The following CCDC171 variants were observed in gnomAD, a reference collection of about 807,000 sequenced individuals.
CCDC171 encodes the protein coiled-coil domain-containing protein 171.
A neutral mutation model predicts 168.2 loss-of-function variants in CCDC171; 177 were observed. The ratio of observed to expected loss-of-function variants is 1.05; its 90% CI spans 0.93 to 1.19. The LOEUF (loss-of-function observed/expected upper bound fraction) is 1.19, where lower values mean the gene tolerates loss of function less well. Among genes scored for constraint, CCDC171 ranks in the 50% most tolerant of loss-of-function variants. The pLI, the probability that CCDC171 is intolerant of heterozygous loss-of-function variation, is 0.00. For synonymous variants in CCDC171, 687 were observed against 540.8 expected (o/e 1.27, Z -3.75); for missense variants, 1,991 against 1,539.0 (o/e 1.29, Z -4.91).
At chr9:15,585,953 A>G (rs1323155235) in intron 4 of CCDC171, among the ~76,000 whole-genome samples, 1 of 152,146 alleles carries the variant, frequency 6.6e-6, no homozygotes, top group Non-Finnish European at 1.5e-5. Flanking sequence ...TCTAGCCTGG[A>G]TGACAGAGTG....
At chr9:16,068,694 A>C in the CCDC171 span, among the ~76,000 whole-genome samples, 7 of 152,186 alleles carry the variant, frequency 4.6e-5, 1 homozygote, top group East Asian at 1.2e-3. Context: ...CCTGGCACGC[A>C]GTCAACATTG....
chr9:15,622,128 C>CCT (rs1252620686), intron 6 of CCDC171, among the ~76,000 whole-genome samples: 3 of 152,022 alleles, frequency 2.0e-5, no homozygotes, highest in Non-Finnish European at 4.4e-5. Context: ...TGGGTTCTGC[C>CCT]TGAGGGTGGA....
chr9:15,570,792 T>A (rs190084517), intron 2 of CCDC171, among the ~76,000 whole-genome samples: 248 of 152,350 alleles, frequency 1.6e-3, no homozygotes, highest in African/African-American at 5.6e-3. Context: ...TTTCCTTATA[T>A]AACTTTTAAC....
chr9:15,720,503 A>T (rs1156301105), intron 11 of CCDC171, among the ~76,000 whole-genome samples: 1 of 152,160 alleles, frequency 6.6e-6, no homozygotes, highest in Non-Finnish European at 1.5e-5. Flanking sequence ...GTATAATATG[A>T]ATGCTGCTCT....
chr9:15,846,924 C>T (rs762038040), intron 22 of CCDC171, 77 bp downstream of exon 22: 1 of 1,339,176 alleles, frequency 7.5e-7, no homozygotes, highest in Non-Finnish European at 1.0e-6. Context: ...CGGGTTTTAG[C>T]CCTGGATAAT....
intron 16 of CCDC171, among the ~76,000 whole-genome samples, chr9:15,737,608 A>T (rs2054583511): frequency 6.6e-6 from 1 of 152,084 alleles, no homozygotes; most frequent in Admixed American, 6.6e-5. Flanking sequence ...GATAAAAAGA[A>T]CTCTGTTCTT....
At chr9:15,752,778 A>G (rs1302852664) in intron 18 of CCDC171, among the ~76,000 whole-genome samples, 3 of 152,120 alleles carry the variant, frequency 2.0e-5, no homozygotes, top group Non-Finnish European at 4.4e-5. Context: ...ATTAGGAGAA[A>G]TACCTAATGT....
intron 1 of CCDC171, among the ~76,000 whole-genome samples, chr9:15,557,770 C>CTATATATATA (rs2038931628): frequency 6.6e-6 from 1 of 152,110 alleles, no homozygotes; most frequent in Non-Finnish European, 1.5e-5. Flanking sequence ...AGTTCCAACA[C>CTATATATATA]TATGTTGAAT....
At chr9:15,983,353 A>G (rs950833932) in intron 3 of CCDC171, among the ~76,000 whole-genome samples, 1 of 151,846 alleles carries the variant, frequency 6.6e-6, no homozygotes, top group Non-Finnish European at 1.5e-5. Flanking sequence ...TTTTCTAGCA[A>G]TATCTGTTTT....
intron 24 of CCDC171, among the ~76,000 whole-genome samples, chr9:15,888,663 G>A (rs1207877969): frequency 1.3e-5 from 2 of 152,048 alleles, no homozygotes; most frequent in Non-Finnish European, 2.9e-5. Context: ...GTATGCTCTA[G>A]TAAAATATGA....
chr9:16,072,265 A>G, the CCDC171 span, among the ~76,000 whole-genome samples: 4 of 152,188 alleles, frequency 2.6e-5, no homozygotes, highest in African/African-American at 9.7e-5. Flanking sequence ...AAGCACTAGC[A>G]TGTTGAGATC....
intron 24 of CCDC171, chr9:15,885,803 A>T (rs1293738523): frequency 6.6e-6 from 1 of 152,212 alleles, no homozygotes; most frequent in African/African-American, 2.4e-5. Context: ...ATGAATATGC[A>T]ACTTAAGGAT....
chr9:15,632,273 C>G (rs1320168628), intron 7 of CCDC171, among the ~76,000 whole-genome samples: 3 of 150,940 alleles, frequency 2.0e-5, no homozygotes, highest in Non-Finnish European at 4.4e-5. Context: ...TAGAAAACCC[C>G]ATCGTCTCAG....
At chr9:15,903,382 G>A (rs1011914128) in intron 24 of CCDC171, among the ~76,000 whole-genome samples, 24 of 152,232 alleles carry the variant, frequency 1.6e-4, no homozygotes, top group Admixed American at 4.6e-4. Flanking sequence ...ACCAATATCC[G>A]CTGTTCTGCA....
rs554911769 is a variant in CCDC171 at position 15,626,775 on chromosome 9, C to G, written c.822+3362C>G. Reference sequence around the variant, plus strand: ...ATCAGGGATATTGGTCTAAAATTCTCTTTTTTTTAGTTGTGTCTTTGCCAG... The same window carrying G: ...ATCAGGGATATTGGTCTAAAATTCTGTTTTTTTTAGTTGTGTCTTTGCCAG... On this transcript the variant is annotated intron_variant, in intron 7 of 25. Transcript: ENST00000380701. Among the ~76,000 whole-genome samples, 3 of 151,964 alleles carry G rather than the reference C, an allele frequency of 2.0e-5. No homozygotes were observed. In the South Asian group the frequency reaches 6.2e-4, roughly 32 times the overall value.
intron 25 of CCDC171, among the ~76,000 whole-genome samples, chr9:15,954,632 C>G (rs1484654148): frequency 6.6e-6 from 1 of 150,934 alleles, no homozygotes; most frequent in African/African-American, 2.4e-5. Context: ...GTATCTCAGC[C>G]TCAGTAATTT....
At chr9:15,597,023 T>G (rs895871307) in intron 6 of CCDC171, among the ~76,000 whole-genome samples, 18 of 152,294 alleles carry the variant, frequency 1.2e-4, no homozygotes, top group African/African-American at 4.3e-4. Flanking sequence ...TGAAGTTGCT[T>G]ATCAGCTTAA....
At position 15,972,586 on chromosome 9, in the gene CCDC171, T is replaced by G. The variant is rs2132828459; in HGVS notation, c.*750T>G. ...GGATTTCTGTGGTATGTTTAGGCAC[T>G]TCATAAGGACAGTTCCCACACTAGG... On this transcript the variant is annotated 3_prime_UTR_variant, in exon 26 of 26. Coordinates refer to ENST00000380701, the MANE Select transcript of CCDC171 (RefSeq NM_173550.4). 6.6e-6 allele frequency: 1 copy of G among 152,314 alleles called. No individual in the cohort carries two copies. Among genetic ancestry groups the G allele is most frequent in the East Asian group, 1.9e-4 (1 of 5,180 alleles). The allele number at this position is 152,314 out of a possible 1,614,324, so 9.4% of individuals were successfully genotyped here.
At chr9:15,608,448 C>T (rs1349458476) in intron 6 of CCDC171, among the ~76,000 whole-genome samples, 7 of 152,106 alleles carry the variant, frequency 4.6e-5, no homozygotes, top group Admixed American at 4.6e-4. Flanking sequence ...AAGAGTTTCT[C>T]TTCCTTTACA....
Sources: allele counts gnomAD v4.1 joint callset (sites outside exome capture counted in the v4.1 genomes callset), GRCh38; gene constraint gnomAD v4.1.1; transcripts MANE v1.5; gene names NCBI Gene and HGNC (gene_info 2026-07-23, HGNC 2026-07-21).